Variants in JAM2 observed in about 807,000 individuals in gnomAD.
The protein encoded by JAM2 is junctional adhesion molecule B.
Under a neutral mutation model 42.0 loss-of-function variants are expected in JAM2, and 17 were observed. The ratio of observed to expected loss-of-function variants is 0.40; its 90% confidence interval spans 0.28 to 0.61. JAM2 has a LOEUF of 0.61. Ranked by LOEUF, JAM2 falls within the 20% of genes least tolerant of loss-of-function variation. The pLI is 0.37. For missense variants in JAM2, 319 were observed against 358.3 expected, an observed-to-expected ratio of 0.89 and a Z score of 0.89; for synonymous variants, 118 against 128.6, an observed-to-expected ratio of 0.92 and a Z score of 0.56.
Position 25,714,677 on chromosome 21 carries a change from T to A in JAM2, c.*5T>A, listed in dbSNP as rs776612620. 2 of 1,505,802 alleles carry A rather than the reference T, an allele frequency of 1.3e-6. No individual in the cohort carries two copies. The allele number at this position is 1,505,802 out of a possible 1,614,324, so 93.3% of individuals were successfully genotyped here. On this transcript the variant is annotated 3_prime_UTR_variant, in exon 10 of 10. Transcript: ENST00000480456. ...ACAAAATCCTTTATAATTTAAAGAC[T>A]CCACTTTAGAGATACACCAAAGCCA...
intron 4 of JAM2, among the ~76,000 whole-genome samples, chr21:25,697,918 AATCT>A (rs2034074578): frequency 7.0e-6 from 1 of 143,102 alleles, no homozygotes; most frequent in African/African-American, 2.8e-5. Context: ...AAAAAAAAAA[AATCT>A]ATCTGCACAC....
intron 3 of JAM2, chr21:25,692,700 T>C (rs2033908741): frequency 6.6e-6 from 1 of 152,244 alleles, no homozygotes. Context: ...CTGAATTTTA[T>C]AGTTCTGAAA....
Position 25,716,535 on chromosome 21 carries a change from A to G in JAM2, c.*1863A>G, listed in dbSNP as rs2829882. The G allele has an allele frequency of 0.77, 114,667 of 149,156 alleles. 44,766 individuals are homozygous for G. Among genetic ancestry groups the G allele is most frequent in the Non-Finnish European group, 0.85 (57,918 of 68,012 alleles). 9.2% of individuals were successfully genotyped at this position (149,156 alleles called of 1,614,324 possible). On this transcript the variant is annotated 3_prime_UTR_variant, in exon 10 of 10. Transcript: ENST00000480456. Reference sequence around the variant, plus strand: ...CTGCCCCCAAAATAAAATTTTCACCACGAGTCAGGGATCGGCAAACATTTT... The same window carrying G: ...CTGCCCCCAAAATAAAATTTTCACCGCGAGTCAGGGATCGGCAAACATTTT...
chr21:25,650,740 T>TA (rs985898053), intron 1 of JAM2, among the ~76,000 whole-genome samples: 15 of 152,196 alleles, frequency 9.9e-5, no homozygotes, highest in African/African-American at 3.6e-4. Context: ...TATAGCCCTA[T>TA]ATTATAGTGT....
chr21:25,662,757 A>T (rs2033121808), intron 1 of JAM2, among the ~76,000 whole-genome samples: 1 of 152,174 alleles, frequency 6.6e-6, no homozygotes, highest in Admixed American at 6.5e-5. Context: ...CTATTCTTAA[A>T]ATACAGTACA....
At chr21:25,674,731 T>G (rs2123353675) in intron 1 of JAM2, among the ~76,000 whole-genome samples, 1 of 151,722 alleles carries the variant, frequency 6.6e-6, no homozygotes, top group African/African-American at 2.4e-5. Flanking sequence ...TTCGAGAGAC[T>G]GTAAAGACAT....
intron 4 of JAM2, among the ~76,000 whole-genome samples, chr21:25,695,976 C>T (rs1444378129): frequency 2.0e-5 from 3 of 152,222 alleles, no homozygotes; most frequent in Non-Finnish European, 2.9e-5. Context: ...CCTCACTTCC[C>T]AGACGGGGTG....
At chr21:25,695,711 T>C (rs7277994) in intron 4 of JAM2, among the ~76,000 whole-genome samples, 1,551 of 141,558 alleles carry the variant, frequency 0.011, 25 homozygotes, top group African/African-American at 0.039. Context: ...ACTTTCCAGA[T>C]GGGGCGGCTG....
chr21:25,657,805 A>G (rs2032979539), intron 1 of JAM2, among the ~76,000 whole-genome samples: 1 of 152,220 alleles, frequency 6.6e-6, no homozygotes, highest in African/African-American at 2.4e-5. Context: ...AGCCTGTTAT[A>G]ATAAAATTAT....
intron 1 of JAM2, among the ~76,000 whole-genome samples, chr21:25,642,851 C>T (rs2032485001): frequency 6.6e-6 from 1 of 152,188 alleles, no homozygotes; most frequent in South Asian, 2.1e-4. Context: ...AACGGAGTAG[C>T]TTATAAACAA....
intron 1 of JAM2, among the ~76,000 whole-genome samples, chr21:25,661,200 A>T (rs757165558): frequency 6.6e-6 from 1 of 152,098 alleles, no homozygotes; most frequent in Non-Finnish European, 1.5e-5. Context: ...TGCCTGTAAT[A>T]CCAGCACTTT....
Position 25,693,906 on chromosome 21 carries a change from T to G in JAM2, c.392T>G (p.Leu131Ter). Residue 131 changes from leucine to a stop codon, truncating the protein, a stop_gained and splice_region_variant, in exon 4 of 10, where the codon TTA becomes TGA. Transcript: ENST00000480456. LOFTEE classifies it high-confidence loss of function. Reference protein sequence around the residue: ...LEEDTVTLEVLVAPAVPSCEV... With the variant: ...LEEDTVTLEV Reference sequence around the variant, plus strand: ...GAGGATACAGTCACTCTGGAAGTATTAGGTGATGTGCATGTATGTGTGTGA... The same window carrying G: ...GAGGATACAGTCACTCTGGAAGTATGAGGTGATGTGCATGTATGTGTGTGA... 6.2e-7 allele frequency: 1 copy of G among 1,614,070 alleles called. No individual in the cohort carries two copies. Among genetic ancestry groups the G allele is most frequent in the African/African-American group, 1.3e-5 (1 of 75,040 alleles).
In JAM2 at chr21:25,688,934, T is replaced by TA. The variant is rs1412284445; in HGVS notation, c.134-925dup. Among the ~76,000 whole-genome samples the TA allele has an allele frequency of 3.9e-5, 6 of 151,952 alleles. No homozygotes were observed. In the East Asian group the frequency reaches 9.7e-4, roughly 24 times the overall value. ...GAATTGACATTCTAGAGAGCCTGGT[T>TA]AAAAAAATACTTTTAAAAATATTTA... On this transcript the variant is annotated intron_variant, in intron 2 of 9. Transcript: ENST00000480456.
intron 3 of JAM2, among the ~76,000 whole-genome samples, chr21:25,691,022 C>CTGG (rs2033869140): frequency 6.6e-6 from 1 of 152,148 alleles, no homozygotes; most frequent in Admixed American, 6.5e-5. Context: ...ACTATTATAG[C>CTGG]TGGTCAATGA....
At chr21:25,681,613 A>T (rs2033633025) in intron 1 of JAM2, among the ~76,000 whole-genome samples, 1 of 152,160 alleles carries the variant, frequency 6.6e-6, no homozygotes, top group Admixed American at 6.5e-5. Flanking sequence ...AACCAACAAT[A>T]ATGCTTTGCA....
intron 6 of JAM2, among the ~76,000 whole-genome samples, chr21:25,704,123 G>T (rs1601061257): frequency 1.3e-5 from 2 of 151,132 alleles, no homozygotes; most frequent in Admixed American, 6.6e-5. Context: ...CAGATTTAAT[G>T]ACTACTACAA....
At chr21:25,644,912 G>A (rs1412736864) in intron 1 of JAM2, among the ~76,000 whole-genome samples, 1 of 149,116 alleles carries the variant, frequency 6.7e-6, no homozygotes, top group African/African-American at 2.5e-5. Flanking sequence ...ATGGAATCTT[G>A]CTCTGTCACC....
chr21:25,714,089 C>G, intron 9 of JAM2: 1 of 1,038,316 alleles, frequency 9.6e-7, no homozygotes, highest in African/African-American at 1.7e-5. Context: ...GGGCATCCTC[C>G]TAACAGGATT....
At position 25,650,832 on chromosome 21, in the gene JAM2, C is replaced by T. The variant is rs1568887705; in HGVS notation, c.67+10944C>T. The stretch of plus-strand genomic sequence containing the variant: ...AGCCAATGGAAGAGTATATAAAGTC[C>T]GGAAATTATGCCAACTTCATTTAGA... On this transcript the variant is annotated intron_variant, in intron 1 of 9. Coordinates refer to ENST00000480456, the MANE Select transcript of JAM2 (RefSeq NM_021219.4). Among the ~76,000 whole-genome samples, 8 of 151,732 alleles carry T rather than the reference C, an allele frequency of 5.3e-5. No individual in the cohort carries two copies. The South Asian group carries it at 1.0e-3, about 20-fold the overall frequency.
Sources: gnomAD v4.1 joint callset for allele counts (sites outside exome capture counted in the v4.1 genomes callset) on GRCh38, gnomAD v4.1.1 for gene constraint, MANE v1.5 for transcripts, NCBI Gene and HGNC (gene_info 2026-07-23, HGNC 2026-07-21) for gene names.